RALYL: variants seen among roughly 807,000 people sequenced by gnomAD.
The protein encoded by RALYL is RALY RNA binding protein like.
In RALYL, 29 loss-of-function variants were observed where a neutral mutation model predicts 35.1. The ratio of observed to expected loss-of-function variants is 0.83; its 90% CI spans 0.61 to 1.13. RALYL has a LOEUF of 1.13. RALYL is among the 50% of genes most tolerant of loss of function. The pLI is 0.00. For synonymous variants in RALYL, 120 were observed against 127.6 expected (o/e 0.94, Z 0.40); for missense variants, 359 against 360.4 (o/e 1.00, Z 0.03).
Position 84,599,430 on chromosome 8 carries a change from T to A in RALYL, c.256+69853T>A, listed in dbSNP as rs1815390758. 2.0e-5 allele frequency among the ~76,000 whole-genome samples: 3 copies of A among 152,046 alleles called. No homozygotes were observed. In the South Asian group the frequency reaches 6.2e-4, roughly 31 times the overall value. ...AAAATAAAAATTCAAGATAATACTT[T>A]GTATTTATTTTGTAAGTCAAAAAAC... On this transcript the variant is annotated intron_variant, in intron 2 of 8. Transcript: ENST00000521268.
At chr8:84,398,873 C>A (rs954202366) in intron 1 of RALYL, among the ~76,000 whole-genome samples, 8 of 151,274 alleles carry the variant, frequency 5.3e-5, no homozygotes, top group Non-Finnish European at 1.0e-4. Context: ...ACTCGGGAGG[C>A]TGAGACAGGA....
At chr8:84,256,199 G>T (rs537312250) in intron 1 of RALYL, among the ~76,000 whole-genome samples, 1 of 152,136 alleles carries the variant, frequency 6.6e-6, no homozygotes, top group Non-Finnish European at 1.5e-5. Flanking sequence ...TTCTAGTTTT[G>T]AGTCTTAATA....
At chr8:84,389,252 A>G (rs922289629) in intron 1 of RALYL, among the ~76,000 whole-genome samples, 16 of 152,186 alleles carry the variant, frequency 1.1e-4, no homozygotes, top group Middle Eastern at 6.8e-3. Flanking sequence ...GTAGCCTTGT[A>G]GTATAGTTTG....
chr8:84,446,332 G>A (rs952689984), intron 1 of RALYL, among the ~76,000 whole-genome samples: 3 of 152,012 alleles, frequency 2.0e-5, no homozygotes, highest in African/African-American at 7.2e-5. Context: ...AGCATTATGT[G>A]CTGTTTATAA....
intron 2 of RALYL, among the ~76,000 whole-genome samples, chr8:84,703,991 G>A (rs1840684266): frequency 6.6e-6 from 1 of 152,064 alleles, no homozygotes; most frequent in Non-Finnish European, 1.5e-5. Flanking sequence ...TTAACACTGG[G>A]ACTAAAAGAT....
intron 1 of RALYL, among the ~76,000 whole-genome samples, chr8:84,431,171 C>G (rs1310546560): frequency 6.6e-6 from 1 of 152,138 alleles, no homozygotes; most frequent in Non-Finnish European, 1.5e-5. Flanking sequence ...GCCCTCACAA[C>G]AGCCTATAAG....
intron 2 of RALYL, among the ~76,000 whole-genome samples, chr8:84,577,616 A>T (rs555069569): frequency 1.3e-5 from 2 of 152,128 alleles, no homozygotes; most frequent in Non-Finnish European, 2.9e-5. Context: ...CCTTTTTTTT[A>T]AACAGTTTTC....
At chr8:84,574,378 C>T (rs1808800250) in intron 2 of RALYL, among the ~76,000 whole-genome samples, 1 of 152,096 alleles carries the variant, frequency 6.6e-6, no homozygotes, top group Non-Finnish European at 1.5e-5. Flanking sequence ...ATATTCATGG[C>T]TTAATATTCA....
At position 84,801,412 on chromosome 8, in the gene RALYL, A is replaced by AGAG. The variant is rs1823230727; in HGVS notation, c.333-3357_333-3355dup. 5.9e-5 allele frequency among the ~76,000 whole-genome samples: 9 copies of AGAG among 152,326 alleles called. No homozygotes were observed. In the South Asian group the frequency reaches 1.7e-3, roughly 28 times the overall value. Reference sequence around the variant, plus strand: ...ACTGTTGGAAGTCTCTTGTCTAAACAGAGTACAGGTTTAATATTCTTACCA... The same window carrying AGAG: ...ACTGTTGGAAGTCTCTTGTCTAAACAGAGGAGTACAGGTTTAATATTCTTACCA... On this transcript the variant is annotated intron_variant, in intron 3 of 8. Coordinates refer to ENST00000521268, the MANE Select transcript of RALYL (RefSeq NM_173848.7).
intron 1 of RALYL, among the ~76,000 whole-genome samples, chr8:84,381,113 G>C (rs1337415198): frequency 3.3e-5 from 5 of 151,852 alleles, no homozygotes; most frequent in African/African-American, 1.2e-4. Context: ...TCAGTGACCA[G>C]GTAGTAAAGG....
intron 2 of RALYL, among the ~76,000 whole-genome samples, chr8:84,654,953 G>A (rs76518017): frequency 0.01 from 1,553 of 152,080 alleles, 33 homozygotes; most frequent in African/African-American, 0.035. Flanking sequence ...TATACCTAGC[G>A]GTGGGATTGC....
chr8:84,241,694 C>T (rs967819767), intron 1 of RALYL, among the ~76,000 whole-genome samples: 7 of 149,938 alleles, frequency 4.7e-5, no homozygotes, highest in African/African-American at 1.7e-4. Context: ...AGGAGAATCA[C>T]TTGAATCCAG....
chr8:84,386,641 A>G (rs898046082), intron 1 of RALYL, among the ~76,000 whole-genome samples: 1 of 151,822 alleles, frequency 6.6e-6, no homozygotes, highest in Non-Finnish European at 1.5e-5. Context: ...AGCAACTGAG[A>G]GCTTTCAGAC....
chr8:84,258,752 G>A (rs1039925016), intron 1 of RALYL, among the ~76,000 whole-genome samples: 4 of 152,040 alleles, frequency 2.6e-5, no homozygotes, highest in Non-Finnish European at 4.4e-5. Context: ...ATAATTCAAC[G>A]ATTGTTACTG....
chr8:84,834,765 A>G (rs1831609156), intron 4 of RALYL, among the ~76,000 whole-genome samples: 1 of 152,226 alleles, frequency 6.6e-6, no homozygotes. Flanking sequence ...TCTAATATCA[A>G]TATACAGGTG....
At chr8:84,785,073 T>C (rs920647389) in intron 3 of RALYL, among the ~76,000 whole-genome samples, 2 of 152,194 alleles carry the variant, frequency 1.3e-5, no homozygotes, top group African/African-American at 4.8e-5. Context: ...CGTATTACAT[T>C]GGAGCTGAAA....
At chr8:84,646,291 T>G (rs1827483076) in intron 2 of RALYL, among the ~76,000 whole-genome samples, 1 of 152,048 alleles carries the variant, frequency 6.6e-6, no homozygotes, top group African/African-American at 2.4e-5. Context: ...TAACTTACTT[T>G]TCAATTCTGA....
At chr8:84,646,479 A>C (rs1319875492) in intron 2 of RALYL, among the ~76,000 whole-genome samples, 3 of 151,918 alleles carry the variant, frequency 2.0e-5, no homozygotes, top group African/African-American at 7.2e-5. Flanking sequence ...TAGGTCTCTT[A>C]AGTTCTTTGG....
intron 1 of RALYL, among the ~76,000 whole-genome samples, chr8:84,519,431 C>G (rs184597195): frequency 3.0e-4 from 45 of 152,154 alleles, no homozygotes; most frequent in African/African-American, 1.1e-3. Flanking sequence ...TAAATAAGTC[C>G]CTCATTGTAG....
Sources: allele counts gnomAD v4.1 joint callset (sites outside exome capture counted in the v4.1 genomes callset), GRCh38; gene constraint gnomAD v4.1.1; transcripts MANE v1.5; gene names NCBI Gene and HGNC (gene_info 2026-07-23, HGNC 2026-07-21).